The following PDE10A variants were observed in gnomAD, a reference collection of about 807,000 sequenced individuals.
The protein encoded by PDE10A is phosphodiesterase 10A.
A neutral mutation model predicts 97.7 loss-of-function variants in PDE10A; 39 were observed. That is an observed-to-expected ratio of 0.40 (90% confidence interval 0.31 to 0.52). The LOEUF is 0.52. Ranked by LOEUF, PDE10A falls within the 20% of genes least tolerant of loss-of-function variation. The pLI, the probability that PDE10A is intolerant of heterozygous loss-of-function variation, is 0.56. For synonymous variants in PDE10A, 371 were observed against 376.8 expected, an observed-to-expected ratio of 0.98 and a Z score of 0.18; for missense variants, 731 against 1,047.8, an observed-to-expected ratio of 0.70 and a Z score of 4.17.
At chr6:165,521,338 G>A (rs1226288476) in intron 2 of PDE10A, among the ~76,000 whole-genome samples, 5 of 152,026 alleles carry the variant, frequency 3.3e-5, no homozygotes, top group Non-Finnish European at 7.4e-5. Flanking sequence ...GGCCTCAATG[G>A]CCTTCCTTTT....
At chr6:165,726,196 GA>G (rs936107011) in intron 1 of PDE10A, among the ~76,000 whole-genome samples, 2 of 152,134 alleles carry the variant, frequency 1.3e-5, no homozygotes, top group African/African-American at 4.8e-5. Flanking sequence ...GATCCCACCA[GA>G]ACGTTGTTTT....
intron 1 of PDE10A, among the ~76,000 whole-genome samples, chr6:165,799,949 G>T (rs570131696): frequency 1.3e-5 from 2 of 152,162 alleles, no homozygotes; most frequent in Non-Finnish European, 2.9e-5. Flanking sequence ...GCTCCCCTGG[G>T]ACGTCTGTCA....
chr6:165,682,420 C>T (rs1309179071), intron 1 of PDE10A, among the ~76,000 whole-genome samples: 1 of 152,110 alleles, frequency 6.6e-6, no homozygotes. Flanking sequence ...AGGTGTGAGC[C>T]GTTGTGCCCA....
At chr6:165,791,078 G>A (rs1778637304) in intron 1 of PDE10A, among the ~76,000 whole-genome samples, 2 of 152,008 alleles carry the variant, frequency 1.3e-5, no homozygotes, top group Non-Finnish European at 1.5e-5. Context: ...CTAAGTAGCT[G>A]AAACTACAGG....
chr6:165,522,416 C>T (rs1355624104), intron 2 of PDE10A, among the ~76,000 whole-genome samples: 1 of 152,052 alleles, frequency 6.6e-6, no homozygotes, highest in South Asian at 2.1e-4. Flanking sequence ...ATACTAGCAA[C>T]CCAAATCCAG....
intron 1 of PDE10A, among the ~76,000 whole-genome samples, chr6:165,932,721 A>G (rs550383488): frequency 3.0e-4 from 46 of 152,128 alleles, no homozygotes; most frequent in African/African-American, 9.9e-4. Context: ...ATCTGCCCGC[A>G]TCAGCCTCCC....
intron 18 of PDE10A, among the ~76,000 whole-genome samples, chr6:165,351,759 A>C (rs893841734): frequency 6.6e-6 from 1 of 152,224 alleles, no homozygotes; most frequent in Non-Finnish European, 1.5e-5. Context: ...TTTTAGCTCA[A>C]CATGTGTTAG....
At chr6:165,687,065 AAGTTTC>A (rs1791140798) in intron 1 of PDE10A, among the ~76,000 whole-genome samples, 1 of 152,236 alleles carries the variant, frequency 6.6e-6, no homozygotes, top group South Asian at 2.1e-4. Flanking sequence ...AAAGTGTGGT[AAGTTTC>A]AGCACATGGA....
intron 3 of PDE10A, among the ~76,000 whole-genome samples, chr6:165,466,723 C>G (rs1001161193): frequency 5.9e-5 from 9 of 152,124 alleles, no homozygotes; most frequent in African/African-American, 2.2e-4. Flanking sequence ...TCTCCTTGAA[C>G]CTCCCTAATC....
intron 1 of PDE10A, among the ~76,000 whole-genome samples, chr6:165,638,677 T>C (rs1788991341): frequency 6.6e-6 from 1 of 152,212 alleles, no homozygotes; most frequent in South Asian, 2.1e-4. Flanking sequence ...AAATATATAC[T>C]AACCAAAACT....
At chr6:165,610,007 G>A (rs1181538573) in intron 1 of PDE10A, among the ~76,000 whole-genome samples, 9 of 152,088 alleles carry the variant, frequency 5.9e-5, no homozygotes, top group African/African-American at 1.9e-4. Flanking sequence ...GGAAAAAACT[G>A]CTTTAAAGTT....
intron 1 of PDE10A, among the ~76,000 whole-genome samples, chr6:165,695,108 T>C (rs903256512): frequency 1.3e-5 from 2 of 150,618 alleles, no homozygotes; most frequent in Non-Finnish European, 2.9e-5. Context: ...AGACAAACAA[T>C]ATGCATAATA....
rs1781260885 is a variant in PDE10A at position 165,330,139 on chromosome 6, A to G, written c.*2886T>C. On this transcript the variant is annotated 3_prime_UTR_variant, in exon 22 of 22. Transcript: ENST00000539869. ...CATATGACCATAAAACTTGTCTATT[A>G]TAAACCAACATAACCAACAAAAGTA... The G allele has an allele frequency of 6.6e-6, 1 of 152,232 alleles. No homozygotes were observed. Among genetic ancestry groups the G allele is most frequent in the Non-Finnish European group, 1.5e-5 (1 of 68,034 alleles). 9.4% of individuals were successfully genotyped at this position (152,232 alleles called of 1,614,324 possible).
intron 3 of PDE10A, among the ~76,000 whole-genome samples, chr6:165,458,854 T>C (rs910175044): frequency 6.6e-6 from 1 of 152,124 alleles, no homozygotes; most frequent in African/African-American, 2.4e-5. Flanking sequence ...ACAGCAATAT[T>C]AGCTAAATAA....
intron 1 of PDE10A, among the ~76,000 whole-genome samples, chr6:165,857,472 C>T (rs759735983): frequency 2.0e-5 from 3 of 152,184 alleles, no homozygotes; most frequent in Non-Finnish European, 4.4e-5. Flanking sequence ...CTCTCCTGAG[C>T]GCATGCCAAG....
intron 1 of PDE10A, among the ~76,000 whole-genome samples, chr6:165,559,733 G>A (rs1056502399): frequency 4.6e-5 from 7 of 152,098 alleles, no homozygotes; most frequent in Admixed American, 6.5e-5. Context: ...CACGTGTTGC[G>A]GGAGGGACCT....
At chr6:165,782,812 G>A (rs1360298385) in intron 1 of PDE10A, among the ~76,000 whole-genome samples, 2 of 152,224 alleles carry the variant, frequency 1.3e-5, no homozygotes, top group African/African-American at 4.8e-5. Flanking sequence ...GGTATGAGAT[G>A]TGGGGAGCAG....
chr6:165,903,387 C>G (rs1782168074), intron 1 of PDE10A, among the ~76,000 whole-genome samples: 1 of 152,102 alleles, frequency 6.6e-6, no homozygotes, highest in African/African-American at 2.4e-5. Context: ...ATATAGGATT[C>G]ATTTTGGAAG....
chr6:165,334,919 A>G (rs1445136033), intron 21 of PDE10A, among the ~76,000 whole-genome samples: 1 of 152,168 alleles, frequency 6.6e-6, no homozygotes, highest in Non-Finnish European at 1.5e-5. Flanking sequence ...ATAAGAGTAT[A>G]CTAAGTTTCT....
Sources: allele counts gnomAD v4.1 joint callset (sites outside exome capture counted in the v4.1 genomes callset), GRCh38; gene constraint gnomAD v4.1.1; transcripts MANE v1.5; gene names NCBI Gene and HGNC (gene_info 2026-07-23, HGNC 2026-07-21).